USP3: variants seen among roughly 807,000 people sequenced by gnomAD.
USP3 encodes ubiquitin carboxyl-terminal hydrolase 3.
USP3 carries 20 observed loss-of-function variants against 72.3 expected under a neutral mutation model. The ratio of observed to expected loss-of-function variants is 0.28; its 90% confidence interval spans 0.19 to 0.40. USP3 has a LOEUF of 0.40. Among genes scored for constraint, USP3 ranks in the 10% least tolerant of loss-of-function variants. The probability of loss-of-function intolerance (pLI) is 1.00; values close to 1 mark genes in which losing one functional copy is unlikely to be tolerated. For synonymous variants in USP3, 222 were observed against 225.3 expected (o/e 0.99, Z 0.13); for missense variants, 479 against 633.9 (o/e 0.76, Z 2.62).
chr15:63,518,236 T>A (rs2065876804), intron 1 of USP3, among the ~76,000 whole-genome samples: 2 of 152,208 alleles, frequency 1.3e-5, no homozygotes, highest in African/African-American at 4.8e-5. Flanking sequence ...ATTGTTGCTG[T>A]TATCAGAGTC....
At position 63,553,605 on chromosome 15, in the gene USP3, C is replaced by A; in HGVS notation, c.285-110C>A. ...TCTTTAAACTTACCACCAGCAGTAA[C>A]TGCCTGCAGAGCCATGTGATCATCT... is the stretch of plus-strand genomic sequence containing the variant. On this transcript the variant is annotated intron_variant, in intron 3 of 14. Coordinates refer to ENST00000380324, the MANE Select transcript of USP3 (RefSeq NM_006537.4). The surrounding 1 kb of genome is among the most constrained non-coding windows in gnomAD (Gnocchi z 4.2). 1 of 860,420 alleles carries A rather than the reference C, an allele frequency of 1.2e-6. No individual in the cohort carries two copies. The highest frequency in any genetic ancestry group is 1.7e-6 in the Non-Finnish European group (1 of 601,660). The allele number at this position is 860,420 out of a possible 1,614,324, so 53.3% of individuals were successfully genotyped here. A position where few individuals can be genotyped will look rare whatever the true frequency, so the allele number is the denominator to read the frequency against.
chr15:63,506,827 T>C (rs1352851549), intron 1 of USP3, among the ~76,000 whole-genome samples: 1 of 152,232 alleles, frequency 6.6e-6, no homozygotes, highest in African/African-American at 2.4e-5. Flanking sequence ...GTCTAGTCAC[T>C]TACTTGGATT....
rs2066464499 is a variant in USP3 at position 63,553,479 on chromosome 15, AGAGCTTTTGAG to A, written c.285-235_285-225del. ...ATTTCATTTTCAAAGGAGGAATTGA[AGAGCTTTTGAG>A]TAAAAAACGTGAAAAGAAGCTCATG... On this transcript the variant is annotated intron_variant, in intron 3 of 14. Transcript: ENST00000380324. This position sits in a 1 kb window ranked among gnomAD's most constrained non-coding sequence, Gnocchi z 4.2. 4 of 353,188 alleles carry A rather than the reference AGAGCTTTTGAG, an allele frequency of 1.1e-5. No homozygotes were observed. Among genetic ancestry groups the A allele is most frequent in the African/African-American group, 8.5e-5 (4 of 47,256 alleles). 21.9% of individuals were successfully genotyped at this position (353,188 alleles called of 1,614,324 possible).
chr15:63,580,377 C>A lies in USP3; in HGVS notation c.1096+5974C>A, dbSNP rs532136955. Among the ~76,000 whole-genome samples the A allele has an allele frequency of 6.7e-4, 101 of 151,728 alleles. 2 individuals carry two copies. The South Asian group carries it at 0.02, about 30-fold the overall frequency. ...AATTATTTTTTTCATTTGTTTTAAC[C>A]GATGTGTGTCACCTTTATAATACCT... On this transcript the variant is annotated intron_variant, in intron 11 of 14. Coordinates refer to ENST00000380324, the MANE Select transcript of USP3 (RefSeq NM_006537.4).
intron 3 of USP3, among the ~76,000 whole-genome samples, chr15:63,552,684 G>T (rs978149816): frequency 1.2e-4 from 18 of 152,164 alleles, no homozygotes; most frequent in Middle Eastern, 3.4e-3. Context: ...ACACAAGCAT[G>T]CTTTTTTGTG....
intron 3 of USP3, among the ~76,000 whole-genome samples, chr15:63,546,767 T>G (rs1012858353): frequency 6.6e-6 from 1 of 151,968 alleles, no homozygotes; most frequent in African/African-American, 2.4e-5. Flanking sequence ...GCCCGGCTAA[T>G]TTTTTGGGTG....
Position 63,533,876 on chromosome 15 carries a change from TTCTGCAGTTG to T in USP3, c.152+1170_152+1179del. 4 of 1,220,388 alleles carry T rather than the reference TTCTGCAGTTG, an allele frequency of 3.3e-6. 1 individual carries two copies. The highest frequency in any genetic ancestry group is 3.0e-5 in the South Asian group (2 of 67,338). The allele number at this position is 1,220,388 out of a possible 1,614,324, so 75.6% of individuals were successfully genotyped here. ...AAGAAGAAAAGTAGAAGCACTTAAA[TTCTGCAGTTG>T]AAGAGACAGATTCCTCTCCTAGATT... On this transcript the variant is annotated intron_variant, in intron 2 of 14. Transcript: ENST00000380324.
At chr15:63,548,722 C>G (rs1296545468) in intron 3 of USP3, among the ~76,000 whole-genome samples, 1 of 151,904 alleles carries the variant, frequency 6.6e-6, no homozygotes, top group African/African-American at 2.4e-5. Flanking sequence ...TTTTTTGAGA[C>G]AAGAGTCTGA....
chr15:63,583,472 TA>T (rs2066999396), intron 11 of USP3, among the ~76,000 whole-genome samples: 2 of 152,190 alleles, frequency 1.3e-5, no homozygotes, highest in South Asian at 4.1e-4. Flanking sequence ...AACAATTTTT[TA>T]AAAAATTGTG....
chr15:63,572,338 A>G lies in USP3; in HGVS notation c.909-1708A>G, dbSNP rs115458129. The stretch of plus-strand genomic sequence containing the variant: ...GGCAAACTTGTATGTGAACATCAGC[A>G]TGAAAGGGTCAGTTAGAGTCCCTTC... On this transcript the variant is annotated intron_variant, in intron 9 of 14. Coordinates refer to ENST00000380324, the MANE Select transcript of USP3 (RefSeq NM_006537.4). 2.3e-3 allele frequency among the ~76,000 whole-genome samples: 350 copies of G among 152,052 alleles called. 3 individuals are homozygous for G. Among genetic ancestry groups the G allele is most frequent in the African/African-American group, 8.1e-3 (335 of 41,516 alleles).
intron 1 of USP3, among the ~76,000 whole-genome samples, chr15:63,512,634 G>A (rs534865141): frequency 1.7e-3 from 262 of 151,776 alleles, no homozygotes; most frequent in African/African-American, 6.2e-3. Context: ...TAGTAGAGAC[G>A]GGGTTTCACT....
chr15:63,512,225 C>T (rs554679142), intron 1 of USP3, among the ~76,000 whole-genome samples: 2 of 151,284 alleles, frequency 1.3e-5, no homozygotes, highest in Admixed American at 1.3e-4. Flanking sequence ...TGTGAGCCTC[C>T]GTGCCTAGCC....
At chr15:63,584,645 G>A (rs1034342903) in intron 11 of USP3, among the ~76,000 whole-genome samples, 8 of 151,970 alleles carry the variant, frequency 5.3e-5, no homozygotes, top group African/African-American at 1.9e-4. Flanking sequence ...CTGAGTTTTA[G>A]GAGTTCTTCA....
chr15:63,526,189 A>T (rs1345554681), intron 1 of USP3, among the ~76,000 whole-genome samples: 1 of 152,182 alleles, frequency 6.6e-6, no homozygotes, highest in African/African-American at 2.4e-5. Context: ...TCTTTAAAAA[A>T]TTTATATGCC....
chr15:63,583,850 TTC>T (rs1440713636), intron 11 of USP3, among the ~76,000 whole-genome samples: 1 of 152,212 alleles, frequency 6.6e-6, no homozygotes, highest in Non-Finnish European at 1.5e-5. Context: ...ATAGACTACA[TTC>T]TGTTTATCCA....
chr15:63,523,418 G>A (rs542110675), intron 1 of USP3, among the ~76,000 whole-genome samples: 2 of 152,296 alleles, frequency 1.3e-5, no homozygotes, highest in Admixed American at 6.5e-5. Flanking sequence ...TCTGAAGCCC[G>A]TGCTTGATAC....
intron 8 of USP3, among the ~76,000 whole-genome samples, chr15:63,568,386 T>G (rs2152676996): frequency 6.6e-6 from 1 of 152,012 alleles, no homozygotes; most frequent in Admixed American, 6.5e-5. Flanking sequence ...GAGCCAGTTA[T>G]TTGCCTCTGT....
At chr15:63,521,817 A>G (rs2065924444) in intron 1 of USP3, among the ~76,000 whole-genome samples, 2 of 152,220 alleles carry the variant, frequency 1.3e-5, no homozygotes, top group Admixed American at 6.5e-5. Context: ...ACAATTATAC[A>G]TGGGATAGAA....
intron 3 of USP3, chr15:63,541,975 TG>T (rs2066252124): frequency 1.2e-6 from 1 of 818,454 alleles, no homozygotes; most frequent in Non-Finnish European, 1.5e-6. Context: ...ATAGCTTTGT[TG>T]CCAGTAAATT....
Sources: gnomAD v4.1 joint callset for allele counts (sites outside exome capture counted in the v4.1 genomes callset) on GRCh38, gnomAD v4.1.1 for gene constraint, Gnocchi (gnomAD v3.1) non-coding constraint, MANE v1.5 for transcripts, NCBI Gene and HGNC (gene_info 2026-07-23, HGNC 2026-07-21) for gene names.